The following KDM2B variants were observed in gnomAD, a reference collection of about 807,000 sequenced individuals.
KDM2B encodes the protein lysine-specific demethylase 2B.
KDM2B carries 26 observed loss-of-function variants against 150.0 expected under a neutral mutation model. The observed-to-expected ratio is 0.17, with a 90% CI of 0.13 to 0.24. KDM2B has a LOEUF of 0.24. KDM2B is among the 10% of genes least tolerant of loss of function. KDM2B has a pLI of 1.00. For synonymous variants in KDM2B, 734 were observed against 729.5 expected (o/e 1.01, Z -0.10); for missense variants, 1,265 against 1,816.9 (o/e 0.70, Z 5.52).
chr12:121,551,484 T>C (rs782363939), intron 4 of KDM2B, among the ~76,000 whole-genome samples: 1 of 151,970 alleles, frequency 6.6e-6, no homozygotes, highest in Non-Finnish European at 1.5e-5. Context: ...TAGCTGGGAC[T>C]ACAGGGCGGC....
intron 4 of KDM2B, among the ~76,000 whole-genome samples, chr12:121,550,344 A>AAC (rs1398008482): frequency 1.3e-5 from 2 of 151,930 alleles, no homozygotes; most frequent in Non-Finnish European, 2.9e-5. Context: ...AAAGGAAATA[A>AAC]ACATATAAAC....
At chr12:121,413,224 G>A in the KDM2B span, among the ~76,000 whole-genome samples, 4,819 of 150,686 alleles carry the variant, frequency 0.032, 271 homozygotes, top group African/African-American at 0.11. Context: ...ACGGCGTTTC[G>A]CCATGTTGTC....
chr12:121,479,042 G>T (rs1243947276), intron 12 of KDM2B, among the ~76,000 whole-genome samples: 1 of 152,096 alleles, frequency 6.6e-6, no homozygotes, highest in African/African-American at 2.4e-5. Context: ...AAGCTCAGGG[G>T]TAAAGGGAGT....
In KDM2B at chr12:121,548,867, G is replaced by A; in HGVS notation, c.683+10C>T. 6.2e-7 allele frequency: 1 copy of A among 1,607,678 alleles called. No individual in the cohort carries two copies. The highest frequency in any genetic ancestry group is 8.5e-7 in the Non-Finnish European group (1 of 1,174,142). On this transcript the variant is annotated intron_variant, in intron 6 of 22. Coordinates refer to ENST00000377071, the MANE Select transcript of KDM2B (RefSeq NM_032590.5). ...CCTGCCAGCTCTGGCCACCAGCCAG[G>A]CAGTCTTACTTTTTCACTTTCGGGT...
chr12:121,573,480 G>T (rs138740243), intron 4 of KDM2B, among the ~76,000 whole-genome samples: 1,767 of 151,600 alleles, frequency 0.012, 37 homozygotes, highest in African/African-American at 0.041. Context: ...TCACCATGTT[G>T]CCCAGTCTGA....
At chr12:121,411,840 T>C in the KDM2B span, among the ~76,000 whole-genome samples, 16 of 152,330 alleles carry the variant, frequency 1.1e-4, no homozygotes, top group African/African-American at 3.8e-4. Flanking sequence ...GTTGGTTTAG[T>C]AGCTACATTA....
At chr12:121,542,348 T>C (rs1888673117) in intron 6 of KDM2B, among the ~76,000 whole-genome samples, 1 of 152,232 alleles carries the variant, frequency 6.6e-6, no homozygotes, top group South Asian at 2.1e-4. Context: ...TCTCACTATG[T>C]TGGCCAGGCT....
intron 4 of KDM2B, among the ~76,000 whole-genome samples, chr12:121,558,524 G>A (rs1555313156): frequency 6.6e-6 from 1 of 151,342 alleles, no homozygotes; most frequent in Admixed American, 6.6e-5. Context: ...TGCGATCTCG[G>A]CTCACTGCAG....
intron 6 of KDM2B, among the ~76,000 whole-genome samples, chr12:121,536,693 T>C (rs1373046568): frequency 9.3e-5 from 14 of 150,684 alleles, no homozygotes; most frequent in Admixed American, 7.9e-4. Flanking sequence ...TAATCTAACC[T>C]TGGTTTCCAC....
At chr12:121,511,056 GC>G (rs1555303901) in intron 10 of KDM2B, among the ~76,000 whole-genome samples, 1 of 151,020 alleles carries the variant, frequency 6.6e-6, no homozygotes, top group East Asian at 2.0e-4. Context: ...TGTCACCCAG[GC>G]TGGAGTGCAT....
chr12:121,459,467 G>A (rs1400630441), intron 12 of KDM2B, among the ~76,000 whole-genome samples: 1 of 152,142 alleles, frequency 6.6e-6, no homozygotes, highest in African/African-American at 2.4e-5. Flanking sequence ...CTTTGAATTA[G>A]GCAAGGGTTT....
chr12:121,579,768 C>A, intron 1 of KDM2B: 1 of 1,392,978 alleles, frequency 7.2e-7, no homozygotes, highest in Non-Finnish European at 9.7e-7. Context: ...CCCGCTCAGC[C>A]CCCCTCCACG....
At position 121,467,070 on chromosome 12, in the gene KDM2B, GGCGTCGCGGCCGCCCTCGGC is replaced by G; in HGVS notation, c.1735-13746_1735-13727del. ...ACTTTCTCCTCATCGCGGCGGCGGCGGCGTCGCGGCCGCCCTCGGCGCGTCAGACAGGCGGTCGGGAGGTC... is the reference window on the plus strand; with the variant it reads ...ACTTTCTCCTCATCGCGGCGGCGGCGGCGTCAGACAGGCGGTCGGGAGGTC... On this transcript the variant is annotated intron_variant, in intron 12 of 22. Transcript: ENST00000377071. The surrounding 1 kb of genome is among the most constrained non-coding windows in gnomAD (Gnocchi z 5.1). The G allele has an allele frequency of 2.8e-6, 2 of 708,006 alleles. No individual in the cohort carries two copies. Among genetic ancestry groups the G allele is most frequent in the Non-Finnish European group, 3.6e-6 (2 of 556,166 alleles). The allele number at this position is 708,006 out of a possible 1,614,324, so 43.9% of individuals were successfully genotyped here.
intron 21 of KDM2B, chr12:121,440,387 G>A (rs915987266): frequency 1.5e-5 from 7 of 451,986 alleles, no homozygotes; most frequent in African/African-American, 5.9e-5. Flanking sequence ...CGAGAAGCAC[G>A]GACCTAGGCA....
intron 10 of KDM2B, among the ~76,000 whole-genome samples, chr12:121,512,634 T>C (rs1281680333): frequency 6.6e-6 from 1 of 152,178 alleles, no homozygotes; most frequent in African/African-American, 2.4e-5. Context: ...TTCCTCTAGA[T>C]TGCTGGTCGG....
At chr12:121,423,697 C>T in the KDM2B span, 1 of 845,528 alleles carries the variant, frequency 1.2e-6, no homozygotes, top group Non-Finnish European at 1.8e-6. This position sits in a 1 kb window ranked among gnomAD's most constrained non-coding sequence, Gnocchi z 4.3. Flanking sequence ...ATTTTGACTA[C>T]TAAGTGGGGA....
At chr12:121,465,415 G>T (rs780008892) in intron 12 of KDM2B, among the ~76,000 whole-genome samples, 3 of 152,252 alleles carry the variant, frequency 2.0e-5, no homozygotes, top group East Asian at 3.9e-4. Flanking sequence ...TGTATTTTTA[G>T]TAGAGACAGG....
chr12:121,560,370 C>T (rs1216132834), intron 4 of KDM2B, among the ~76,000 whole-genome samples: 3 of 152,144 alleles, frequency 2.0e-5, no homozygotes, highest in Non-Finnish European at 4.4e-5. Flanking sequence ...TGACTTTATA[C>T]TTTTTCTTTC....
intron 12 of KDM2B, among the ~76,000 whole-genome samples, chr12:121,477,737 C>A (rs1881548857): frequency 6.6e-6 from 1 of 151,910 alleles, no homozygotes; most frequent in Admixed American, 6.6e-5. Flanking sequence ...GCCACCACAC[C>A]CAGCTAATTT....
Sources: gnomAD v4.1 joint callset for allele counts (sites outside exome capture counted in the v4.1 genomes callset) on GRCh38, gnomAD v4.1.1 for gene constraint, Gnocchi (gnomAD v3.1) non-coding constraint, MANE v1.5 for transcripts, NCBI Gene and HGNC (gene_info 2026-07-23, HGNC 2026-07-21) for gene names.